CCDC57: variants seen among roughly 807,000 people sequenced by gnomAD.
CCDC57 encodes the protein coiled-coil domain-containing protein 57.
In CCDC57, 118 loss-of-function variants were observed where a neutral mutation model predicts 118.9. That is an observed-to-expected ratio of 0.99 (90% CI 0.86 to 1.16). CCDC57 has a LOEUF of 1.16. Ranked by LOEUF, CCDC57 falls within the 50% of genes most tolerant of loss-of-function variation. The pLI is 0.00. For synonymous variants in CCDC57, 527 were observed against 532.9 expected (o/e 0.99, Z 0.15); for missense variants, 1,300 against 1,320.7 (o/e 0.98, Z 0.24).
At chr17:82,141,020 C>CT (rs1227476876) in intron 16 of CCDC57, among the ~76,000 whole-genome samples, 14 of 150,848 alleles carry the variant, frequency 9.3e-5, no homozygotes. Context: ...TTTATTTATT[C>CT]TTTTTTTTGA....
Position 82,193,997 on chromosome 17 carries a change from GC to G in CCDC57, c.760del (p.Ala254ProfsTer2). 6.2e-7 allele frequency: 1 copy of G among 1,611,260 alleles called. No homozygotes were observed. Among genetic ancestry groups the G allele is most frequent in the East Asian group, 2.2e-5 (1 of 44,840 alleles). The stretch of plus-strand genomic sequence containing the variant: ...ACTCGCGCACCGGGCGCGGCTCATG[GC>G]CTCCAGGTCCTGGAGCTCCCCGGCT... On this transcript the variant is annotated frameshift_variant, in exon 6 of 20. Transcript: ENST00000665763. LOFTEE classifies it high-confidence loss of function.
At chr17:82,143,130 C>A (rs2040243578) in intron 16 of CCDC57, among the ~76,000 whole-genome samples, 1 of 145,290 alleles carries the variant, frequency 6.9e-6, no homozygotes. Context: ...TCTACAATGG[C>A]AACAAGAGTG....
intron 19 of CCDC57, among the ~76,000 whole-genome samples, chr17:82,124,909 C>A (rs980163051): frequency 5.9e-5 from 9 of 152,134 alleles, no homozygotes; most frequent in Non-Finnish European, 1.2e-4. Flanking sequence ...TCCAGAAGAA[C>A]TTTCCATTGA....
chr17:82,124,286 G>A (rs561057494), intron 19 of CCDC57, among the ~76,000 whole-genome samples: 10 of 152,272 alleles, frequency 6.6e-5, no homozygotes, highest in Non-Finnish European at 1.2e-4. Flanking sequence ...AGGAGGGAGA[G>A]TGAACCAGGA....
chr17:82,149,538 C>T (rs1389580962), intron 16 of CCDC57, among the ~76,000 whole-genome samples: 3 of 152,120 alleles, frequency 2.0e-5, no homozygotes, highest in Non-Finnish European at 4.4e-5. Flanking sequence ...GGCTGCTTTG[C>T]TAACCTGCGG....
At chr17:82,148,678 A>AGATG (rs2041330350) in intron 16 of CCDC57, among the ~76,000 whole-genome samples, 1 of 69,132 alleles carries the variant, frequency 1.4e-5, no homozygotes, top group Non-Finnish European at 2.6e-5. Flanking sequence ...GTGGATGGGT[A>AGATG]GATGGATGGA....
intron 7 of CCDC57, among the ~76,000 whole-genome samples, chr17:82,190,306 A>G (rs2047510404): frequency 6.6e-6 from 1 of 152,246 alleles, no homozygotes; most frequent in Non-Finnish European, 1.5e-5. Flanking sequence ...CAATAACACC[A>G]TGGGACCTAT....
At chr17:82,120,597 T>G (rs2036543516) in intron 19 of CCDC57, among the ~76,000 whole-genome samples, 1 of 152,190 alleles carries the variant, frequency 6.6e-6, no homozygotes, top group African/African-American at 2.4e-5. Flanking sequence ...ACACAGATAA[T>G]TCAGTTAAGC....
In CCDC57 at chr17:82,205,391, G is replaced by A. The variant is rs570360719; in HGVS notation, c.-9+2456C>T. On this transcript the variant is annotated intron_variant, in intron 2 of 19. Transcript: ENST00000665763. ...GTTGCCGTTCTGAGAATCTGATCAT[G>A]CAATCTTATCTGGCCTCAAATGTGC... 3.2e-4 allele frequency among the ~76,000 whole-genome samples: 48 copies of A among 152,262 alleles called. 2 individuals are homozygous for A. The South Asian group carries it at 1.0e-2, about 32-fold the overall frequency.
chr17:82,182,481 G>A (rs1303550454), intron 9 of CCDC57, among the ~76,000 whole-genome samples: 1 of 151,486 alleles, frequency 6.6e-6, no homozygotes, highest in Non-Finnish European at 1.5e-5. Flanking sequence ...AGCCCCCCGA[G>A]TAGCTGGGAT....
intron 2 of CCDC57, 103 bp from the exon 2 acceptor site, chr17:82,202,055 G>T: frequency 8.4e-7 from 1 of 1,197,358 alleles, no homozygotes; most frequent in Non-Finnish European, 1.1e-6. Context: ...CCACGGCCGG[G>T]CACGGTGGCT....
intron 16 of CCDC57, among the ~76,000 whole-genome samples, chr17:82,141,381 G>T (rs927548935): frequency 1.3e-5 from 2 of 152,124 alleles, no homozygotes; most frequent in African/African-American, 4.8e-5. Context: ...ACAGGGTTTT[G>T]CCATGTTGGC....
At chr17:82,173,546 C>CA (rs2045052678) in intron 11 of CCDC57, among the ~76,000 whole-genome samples, 1 of 152,142 alleles carries the variant, frequency 6.6e-6, no homozygotes, top group South Asian at 2.1e-4. Flanking sequence ...AGACATGTTA[C>CA]AAATGTGCTG....
At chr17:82,103,973 G>T (rs1403296121) in intron 19 of CCDC57, among the ~76,000 whole-genome samples, 1 of 152,204 alleles carries the variant, frequency 6.6e-6, no homozygotes, top group Non-Finnish European at 1.5e-5. Context: ...TGGTGGCAGG[G>T]AACTGGCCAT....
At position 82,193,983 on chromosome 17, in the gene CCDC57, G is replaced by A. The variant is rs201633568; in HGVS notation, c.775C>T (p.Arg259Trp). Residue 259 changes from arginine (R) to tryptophan (W), a missense_variant and splice_region_variant, in exon 6 of 20, where the codon CGG (arginine) becomes TGG (tryptophan). By Grantham distance (101) the Arg-to-Trp change is moderately radical. Transcript: ENST00000665763. Reference sequence around the variant, plus strand: ...TCGGGAGATGAAGGACTCGCGCACCGGGCGCGGCTCATGGCCTCCAGGTCC... The same window carrying A: ...TCGGGAGATGAAGGACTCGCGCACCAGGCGCGGCTCATGGCCTCCAGGTCC... 263 of 1,609,056 alleles carry A rather than the reference G, an allele frequency of 1.6e-4. 1 individual carries two copies. In the Middle Eastern group the frequency reaches 1.7e-3, roughly 10 times the overall value.
In CCDC57 at chr17:82,118,896, C is replaced by T. The variant is rs147310608; in HGVS notation, c.2899+8796G>A. ...TTGTAAATACTCCATTCTACTTCTG[C>T]GTATTTTCGTGGTTTGCCTTGGAGT... On this transcript the variant is annotated intron_variant, in intron 19 of 19. Coordinates refer to ENST00000665763, the Ensembl canonical transcript of CCDC57. This position sits in a 1 kb window ranked among gnomAD's most constrained non-coding sequence, Gnocchi z 4.7. Among the ~76,000 whole-genome samples, 2 of 151,760 alleles carry T rather than the reference C, an allele frequency of 1.3e-5. No homozygotes were observed. Among genetic ancestry groups the T allele is most frequent in the African/African-American group, 4.8e-5 (2 of 41,352 alleles).
intron 2 of CCDC57, among the ~76,000 whole-genome samples, chr17:82,205,748 C>G (rs1042078286): frequency 6.6e-6 from 1 of 152,196 alleles, no homozygotes. Context: ...AGAAGAGCAG[C>G]CTGAAAAATC....
At chr17:82,146,828 C>A (rs772335328) in intron 16 of CCDC57, among the ~76,000 whole-genome samples, 2 of 152,120 alleles carry the variant, frequency 1.3e-5, no homozygotes, top group South Asian at 2.1e-4. Context: ...CACAGTCTCA[C>A]ATACAAACGC....
At chr17:82,184,822 A>G (rs1226487744) in intron 8 of CCDC57, 1 of 152,322 alleles carries the variant, frequency 6.6e-6, no homozygotes, top group Non-Finnish European at 1.5e-5. Flanking sequence ...TTTTGGACAC[A>G]TATTTTAGGA....
Sources: allele counts gnomAD v4.1 joint callset (sites outside exome capture counted in the v4.1 genomes callset), GRCh38; gene constraint gnomAD v4.1.1; non-coding constraint Gnocchi (gnomAD v3.1); transcripts MANE v1.5; gene names NCBI Gene and HGNC (gene_info 2026-07-23, HGNC 2026-07-21).